GLS2: variants seen among roughly 807,000 people sequenced by gnomAD.
GLS2 encodes glutaminase 2.
In GLS2, 52 loss-of-function variants were observed where a neutral mutation model predicts 79.0. The ratio of observed to expected loss-of-function variants is 0.66; its 90% CI spans 0.53 to 0.83. The LOEUF is 0.83. Ranked by LOEUF, GLS2 falls within the 40% of genes least tolerant of loss-of-function variation. The pLI is 0.00. For missense variants in GLS2, 561 were observed against 764.8 expected (o/e 0.73, Z 3.14); for synonymous variants, 238 against 280.8 (o/e 0.85, Z 1.52).
intron 15 of GLS2, 105 bp from the exon 16 acceptor site, chr12:56,472,300 C>T: frequency 1.0e-6 from 1 of 979,102 alleles, no homozygotes; most frequent in Non-Finnish European, 1.6e-6. Context: ...GAAAGTGAAA[C>T]AGCCTATAGC....
rs557023745 is a variant in GLS2 at position 56,471,163 on chromosome 12, G to A, written c.*324C>T. The A allele has an allele frequency of 7.0e-6, 3 of 427,780 alleles. No individual in the cohort carries two copies. In the East Asian group the frequency reaches 1.0e-4, roughly 14 times the overall value. 26.5% of individuals were successfully genotyped at this position (427,780 alleles called of 1,614,324 possible). On this transcript the variant is annotated 3_prime_UTR_variant, in exon 18 of 18. Coordinates refer to ENST00000311966, the MANE Select transcript of GLS2 (RefSeq NM_013267.4). ...CCCTCCACCAGAGTATCTCTCTCATGATGGTTTCTTCAGGGAGAGGAAGAG... is the reference window on the plus strand; with the variant it reads ...CCCTCCACCAGAGTATCTCTCTCATAATGGTTTCTTCAGGGAGAGGAAGAG...
At position 56,478,088 on chromosome 12, in the gene GLS2, A is replaced by G. The variant is rs767910672; in HGVS notation, c.623T>C (p.Val208Ala). The change falls in exon 6 of 18, where the codon GTG becomes GCG. Residue 208 changes from valine (V) to alanine (A), a missense_variant. Around this residue, in one of 4 missense-constraint regions of GLS2, gnomAD observed 221 missense variants for 275.6 expected, o/e 0.80. Coordinates refer to ENST00000311966, the MANE Select transcript of GLS2 (RefSeq NM_013267.4). Reference sequence around the variant, plus strand: ...GCAGAAGGGGATCTTTGTGTGGCCCACAGAGTGCCTGGAGGCAGACAGATG... The same window carrying G: ...GCAGAAGGGGATCTTTGTGTGGCCCGCAGAGTGCCTGGAGGCAGACAGATG... ...LCTVDGQRHS[V>A]GHTKIPFCLQ... 6.2e-7 allele frequency: 1 copy of G among 1,614,092 alleles called. No individual in the cohort carries two copies. Among genetic ancestry groups the G allele is most frequent in the Non-Finnish European group, 8.5e-7 (1 of 1,179,954 alleles).
At chr12:56,484,571 G>C (rs986334157) in intron 1 of GLS2, among the ~76,000 whole-genome samples, 1 of 152,130 alleles carries the variant, frequency 6.6e-6, no homozygotes, top group Admixed American at 6.5e-5. Context: ...GCCTATAGGG[G>C]GGAGAGGAGG....
intron 13 of GLS2, 44 bp downstream of exon 13, chr12:56,473,419 T>G: frequency 6.2e-7 from 1 of 1,603,992 alleles, no homozygotes; most frequent in Non-Finnish European, 8.5e-7. Context: ...TTAAACAAAT[T>G]TATTGCTTCA....
At chr12:56,472,972 C>T in intron 14 of GLS2, 1 of 583,480 alleles carries the variant, frequency 1.7e-6, no homozygotes, top group Non-Finnish European at 3.0e-6. Flanking sequence ...TCACTGCAAC[C>T]TCTGCCTCCC....
At position 56,473,223 on chromosome 12, in the gene GLS2, C is replaced by A. The variant is rs1458734175; in HGVS notation, c.1449+5G>T. On this transcript the variant is annotated splice_donor_5th_base_variant and intron_variant, in intron 14 of 17. Coordinates refer to ENST00000311966, the MANE Select transcript of GLS2 (RefSeq NM_013267.4). ...TTCTTACAAGCCACCTGGAGTTTTC[C>A]TTACCCGAATTTCTGCCCCTTCACG... 1 of 1,613,818 alleles carries A rather than the reference C, an allele frequency of 6.2e-7. No homozygotes were observed. The highest frequency in any genetic ancestry group is 1.7e-5 in the Admixed American group (1 of 59,992).
intron 12 of GLS2, 39 bp from the exon 13 acceptor site, chr12:56,473,633 G>A: frequency 1.3e-6 from 2 of 1,575,606 alleles, no homozygotes; most frequent in Non-Finnish European, 1.7e-6. Flanking sequence ...AAGTGGGTGT[G>A]CCCCAAATCA....
intron 1 of GLS2, among the ~76,000 whole-genome samples, chr12:56,487,007 C>T (rs1870746268): frequency 6.6e-6 from 1 of 152,066 alleles, no homozygotes; most frequent in Non-Finnish European, 1.5e-5. Context: ...GTCAGTCTGG[C>T]TACTTTACTG....
At chr12:56,485,516 TG>T (rs1052924852) in intron 1 of GLS2, among the ~76,000 whole-genome samples, 52 of 152,210 alleles carry the variant, frequency 3.4e-4, no homozygotes, top group African/African-American at 1.1e-3. Flanking sequence ...CCCCCTGCCT[TG>T]GCCACCCACA....
chr12:56,475,199 T>G, intron 9 of GLS2, 89 bp from the exon 10 acceptor site: 1 of 1,604,924 alleles, frequency 6.2e-7, no homozygotes. Context: ...GAGACAGAAC[T>G]ACATCACACC....
chr12:56,471,421 G>A lies in GLS2; in HGVS notation c.*66C>T, dbSNP rs1869247000. On this transcript the variant is annotated 3_prime_UTR_variant, in exon 18 of 18. Coordinates refer to ENST00000311966, the MANE Select transcript of GLS2 (RefSeq NM_013267.4). ...TGTAGCTCTCCATAGTATTTTTGGTGGTTATGGATTACATGTGTGGCCAGC... is the reference window on the plus strand; with the variant it reads ...TGTAGCTCTCCATAGTATTTTTGGTAGTTATGGATTACATGTGTGGCCAGC... The A allele has an allele frequency of 6.7e-7, 1 of 1,495,728 alleles. No homozygotes were observed. Among genetic ancestry groups the A allele is most frequent in the African/African-American group, 1.4e-5 (1 of 71,952 alleles). 92.7% of individuals were successfully genotyped at this position (1,495,728 alleles called of 1,614,324 possible). A position where few individuals can be genotyped will look rare whatever the true frequency, so the allele number is the denominator to read the frequency against.
At chr12:56,477,477 GTC>G (rs1444995046) in intron 7 of GLS2, 181 bp downstream of exon 7, 2 of 574,448 alleles carry the variant, frequency 3.5e-6, no homozygotes, top group Non-Finnish European at 6.2e-6. Flanking sequence ...AGGTGGTGCA[GTC>G]TCTTATACTG....
chr12:56,471,366 C>G lies in GLS2; in HGVS notation c.*121G>C. On this transcript the variant is annotated 3_prime_UTR_variant, in exon 18 of 18. Transcript: ENST00000311966. ...CATAGAAAGCACTAGCCTAAGTCAC[C>G]AAATGACTGCTTGGTCCCCACTGAA... 1 of 1,099,326 alleles carries G rather than the reference C, an allele frequency of 9.1e-7. No homozygotes were observed. The highest frequency in any genetic ancestry group is 1.3e-6 in the Non-Finnish European group (1 of 786,836). The allele number at this position is 1,099,326 out of a possible 1,614,324, so 68.1% of individuals were successfully genotyped here. A position where few individuals can be genotyped will look rare whatever the true frequency, so the allele number is the denominator to read the frequency against.
Position 56,481,898 on chromosome 12 carries a change from A to G in GLS2, c.183-1511T>C, listed in dbSNP as rs879772080. Among the ~76,000 whole-genome samples the G allele has an allele frequency of 3.0e-4, 45 of 150,166 alleles. 1 individual carries two copies. Among genetic ancestry groups the G allele is most frequent in the Admixed American group, 3.0e-3 (45 of 15,084 alleles). ...AAGAGCAAAACTCCATCTCAAAACA[A>G]ACAAACAAAAACTTGGTAGGACATC... is the stretch of plus-strand genomic sequence containing the variant. On this transcript the variant is annotated intron_variant, in intron 1 of 17. Transcript: ENST00000311966.
chr12:56,478,522 C>G (rs1870023368), intron 4 of GLS2: 3 of 470,820 alleles, frequency 6.4e-6, no homozygotes, highest in Middle Eastern at 6.0e-4. Context: ...GCAACCTTCC[C>G]CTTTTGGTTC....
intron 1 of GLS2, 59 bp from the exon 2 acceptor site, chr12:56,480,446 CCTT>C (rs1449858755): frequency 3.1e-6 from 4 of 1,278,938 alleles, no homozygotes; most frequent in East Asian, 2.3e-5. Flanking sequence ...ACCTGCTCCT[CCTT>C]CTGCAACATG....
At chr12:56,473,076 A>G (rs1215229157) in intron 14 of GLS2, 152 bp downstream of exon 14, 3 of 701,094 alleles carry the variant, frequency 4.3e-6, no homozygotes, top group South Asian at 1.9e-5. Flanking sequence ...TTTTCAATAG[A>G]GACCAGGTTT....
chr12:56,474,758 C>A, intron 11 of GLS2, 38 bp from the exon 12 acceptor site: 1 of 1,610,820 alleles, frequency 6.2e-7, no homozygotes, highest in Non-Finnish European at 8.5e-7. Context: ...GTGACGTGAA[C>A]CTGCACATGG....
At chr12:56,479,232 C>T in intron 3 of GLS2, 51 bp from the exon 4 acceptor site, 1 of 1,601,654 alleles carries the variant, frequency 6.2e-7, no homozygotes, top group African/African-American at 1.3e-5. Flanking sequence ...GCAGCTGGGA[C>T]TCACTCTGGA....
Sources: allele counts gnomAD v4.1 joint callset (sites outside exome capture counted in the v4.1 genomes callset), GRCh38; gene constraint gnomAD v4.1.1; regional missense constraint gnomAD v4.1.1; transcripts MANE v1.5; gene names NCBI Gene and HGNC (gene_info 2026-07-23, HGNC 2026-07-21).